The following FRMD5 variants were observed in gnomAD, a reference collection of about 807,000 sequenced individuals.
The protein encoded by FRMD5 is FERM domain containing 5, also known as FERM domain-containing protein 5.
A neutral mutation model predicts 69.0 loss-of-function variants in FRMD5; 20 were observed. The observed-to-expected ratio is 0.29, with a 90% CI of 0.20 to 0.42. The LOEUF is 0.42. Among genes scored for constraint, FRMD5 ranks in the 10% least tolerant of loss-of-function variants. The pLI is 1.00. For synonymous variants in FRMD5, 271 were observed against 260.1 expected, an observed-to-expected ratio of 1.04 and a Z score of -0.40; for missense variants, 595 against 708.6, an observed-to-expected ratio of 0.84 and a Z score of 1.82.
Position 43,883,728 on chromosome 15 carries a change from T to G in FRMD5, c.1110A>C (p.Arg370Ser). 6.2e-7 allele frequency: 1 copy of G among 1,613,162 alleles called. No homozygotes were observed. Among genetic ancestry groups the G allele is most frequent in the Non-Finnish European group, 8.5e-7 (1 of 1,179,592 alleles). ...RLSSVPRTRRRAVHISIMEGL... is the reference protein window; with the variant it reads ...RLSSVPRTRRSAVHISIMEGL... ...CTTCCATGATGGAGATGTGAACAGCTCTTCTGCGGGTCCTGGGGACGCTGC... is the reference window on the plus strand; with the variant it reads ...CTTCCATGATGGAGATGTGAACAGCGCTTCTGCGGGTCCTGGGGACGCTGC... The change falls in exon 13 of 14, where the codon AGA becomes AGC. Residue 370 changes from arginine to serine, a missense_variant. Arg to Ser is a moderately radical substitution (Grantham distance 110). This residue lies in a region of FRMD5 where 176 missense variants were observed against 266.3 expected (regional missense o/e 0.66). Coordinates refer to ENST00000417257, the MANE Select transcript of FRMD5 (RefSeq NM_032892.5).
chr15:44,120,092 G>A (rs571174624), intron 1 of FRMD5, among the ~76,000 whole-genome samples: 1 of 152,280 alleles, frequency 6.6e-6, no homozygotes, highest in Admixed American at 6.5e-5. Flanking sequence ...ATACAATTCT[G>A]AACAGGTACA....
intron 1 of FRMD5, chr15:44,101,331 T>G (rs2076637396): frequency 6.6e-6 from 1 of 152,584 alleles, no homozygotes; most frequent in Non-Finnish European, 1.5e-5. Flanking sequence ...AGGCAGGGTA[T>G]GAAATCAAAC....
At chr15:44,181,350 ATTT>A (rs1014942738) in intron 1 of FRMD5, among the ~76,000 whole-genome samples, 47 of 152,094 alleles carry the variant, frequency 3.1e-4, no homozygotes, top group African/African-American at 9.4e-4. Context: ...ACCTTTTTAC[ATTT>A]TTTTATTATG....
In FRMD5 at chr15:44,031,754, T is replaced by G. The variant is rs1891694616; in HGVS notation, c.103-107445A>C. On this transcript the variant is annotated intron_variant, in intron 1 of 13. Transcript: ENST00000417257. Reference sequence around the variant, plus strand: ...GTCCAGTATTTGGTGGCTATTTTCATGATATTCCCCAATCATCTTATCCTT... The same window carrying G: ...GTCCAGTATTTGGTGGCTATTTTCAGGATATTCCCCAATCATCTTATCCTT... Among the ~76,000 whole-genome samples, 3 of 152,326 alleles carry G rather than the reference T, an allele frequency of 2.0e-5. No individual in the cohort carries two copies. In the South Asian group the frequency reaches 6.2e-4, roughly 32 times the overall value.
chr15:43,883,222 C>G (rs1188719031), intron 13 of FRMD5, among the ~76,000 whole-genome samples: 1 of 152,088 alleles, frequency 6.6e-6, no homozygotes, highest in Non-Finnish European at 1.5e-5. Flanking sequence ...ACCTCAGCCC[C>G]CCGAGTAGCT....
chr15:44,097,194 T>C (rs958553680), intron 1 of FRMD5, among the ~76,000 whole-genome samples: 1 of 152,142 alleles, frequency 6.6e-6, no homozygotes. Flanking sequence ...TTCTCTGAAA[T>C]AAAGAATACA....
At position 43,871,503 on chromosome 15, in the gene FRMD5, TACCAGGTGGAC is replaced by T. The variant is rs2088160157; in HGVS notation, c.*2371_*2381del. ...CTTCTATGTTGCATAAGACAGTAGA[TACCAGGTGGAC>T]ACCAGCCCCCTGTCTCCTGACAGCC... On this transcript the variant is annotated 3_prime_UTR_variant, in exon 14 of 14. Coordinates refer to ENST00000417257, the MANE Select transcript of FRMD5 (RefSeq NM_032892.5). 6.6e-6 allele frequency: 1 copy of T among 152,338 alleles called. No homozygotes were observed. Among genetic ancestry groups the T allele is most frequent in the South Asian group, 2.1e-4 (1 of 4,820 alleles). The allele number at this position is 152,338 out of a possible 1,614,324, so 9.4% of individuals were successfully genotyped here.
intron 1 of FRMD5, among the ~76,000 whole-genome samples, chr15:44,112,759 C>G (rs1445612980): frequency 1.3e-5 from 2 of 151,980 alleles, no homozygotes; most frequent in Non-Finnish European, 2.9e-5. Flanking sequence ...TGAGCCACCG[C>G]GCCTGGCCTG....
At chr15:43,965,511 T>C (rs1159225744) in intron 1 of FRMD5, among the ~76,000 whole-genome samples, 1 of 152,006 alleles carries the variant, frequency 6.6e-6, no homozygotes, top group Non-Finnish European at 1.5e-5. Context: ...CAAGTAAGAC[T>C]GCACCTAATT....
intron 1 of FRMD5, among the ~76,000 whole-genome samples, chr15:43,953,753 A>G (rs998431788): frequency 1.3e-5 from 2 of 152,220 alleles, no homozygotes; most frequent in African/African-American, 4.8e-5. Context: ...TGTTACCTCC[A>G]TGGGTGGTAT....
At chr15:44,129,430 C>A (rs1373155623) in intron 1 of FRMD5, among the ~76,000 whole-genome samples, 2 of 152,176 alleles carry the variant, frequency 1.3e-5, no homozygotes, top group Non-Finnish European at 2.9e-5. Flanking sequence ...GGAACTGTAA[C>A]AACTTTGTCC....
chr15:43,967,201 T>TCATATATATATACACATAAATATATAAA lies in FRMD5; in HGVS notation c.103-42920_103-42893dup, dbSNP rs1566868050. ...TTCAGAAATATATAAACATATATAA[T>TCATATATATATACACATAAATATATAAA]CATATATATATACACATAAATATAT... On this transcript the variant is annotated intron_variant, in intron 1 of 13. Coordinates refer to ENST00000417257, the MANE Select transcript of FRMD5 (RefSeq NM_032892.5). 4.7e-5 allele frequency among the ~76,000 whole-genome samples: 7 copies of TCATATATATATACACATAAATATATAAA among 149,664 alleles called. No individual in the cohort carries two copies. The East Asian group carries it at 1.2e-3, about 25-fold the overall frequency.
At chr15:44,125,708 C>T (rs369593264) in intron 1 of FRMD5, among the ~76,000 whole-genome samples, 4 of 152,250 alleles carry the variant, frequency 2.6e-5, no homozygotes, top group African/African-American at 9.6e-5. Flanking sequence ...TAATAAAAAT[C>T]AGTTTTTCTT....
chr15:44,086,403 C>T (rs539500809), intron 1 of FRMD5, among the ~76,000 whole-genome samples: 2 of 152,244 alleles, frequency 1.3e-5, no homozygotes, highest in South Asian at 4.1e-4. Flanking sequence ...AGTATTAATA[C>T]TTGATACAAC....
At chr15:43,887,590 C>A (rs1043117155) in intron 10 of FRMD5, among the ~76,000 whole-genome samples, 2 of 152,208 alleles carry the variant, frequency 1.3e-5, no homozygotes, top group Admixed American at 1.3e-4. Flanking sequence ...GTGGCCCTGG[C>A]AACTGGGAGG....
chr15:43,873,545 AATTATTTT>A lies in FRMD5; in HGVS notation c.*332_*339del. On this transcript the variant is annotated 3_prime_UTR_variant, in exon 14 of 14. Transcript: ENST00000417257. Reference sequence around the variant, plus strand: ...TGCAATAATCAGTAATAGTAAAATAAATTATTTTTATTTGATACTTCAAAATAATATAC... The same window carrying A: ...TGCAATAATCAGTAATAGTAAAATAATATTTGATACTTCAAAATAATATAC... 2 of 1,389,842 alleles carry A rather than the reference AATTATTTT, an allele frequency of 1.4e-6. No homozygotes were observed. The highest frequency in any genetic ancestry group is 2.8e-5 in the South Asian group (2 of 70,942). The allele number at this position is 1,389,842 out of a possible 1,614,324, so 86.1% of individuals were successfully genotyped here. A position where few individuals can be genotyped will look rare whatever the true frequency, so the allele number is the denominator to read the frequency against.
At chr15:44,176,353 T>C (rs1054617752) in intron 1 of FRMD5, among the ~76,000 whole-genome samples, 1 of 152,288 alleles carries the variant, frequency 6.6e-6, no homozygotes, top group African/African-American at 2.4e-5. Flanking sequence ...TTTGGACACC[T>C]ATCTCACACC....
At chr15:44,008,106 T>C (rs1595617197) in intron 1 of FRMD5, among the ~76,000 whole-genome samples, 1 of 143,516 alleles carries the variant, frequency 7.0e-6, no homozygotes, top group African/African-American at 2.6e-5. Context: ...TTTTTTTTTT[T>C]TTTTTTTGTA....
chr15:44,067,113 A>G (rs1893342839), intron 1 of FRMD5, among the ~76,000 whole-genome samples: 1 of 152,152 alleles, frequency 6.6e-6, no homozygotes, highest in African/African-American at 2.4e-5. Context: ...GAGAGTATAA[A>G]AGGGAAAAGA....
Sources: allele counts gnomAD v4.1 joint callset (sites outside exome capture counted in the v4.1 genomes callset), GRCh38; gene constraint gnomAD v4.1.1; regional missense constraint gnomAD v4.1.1; transcripts MANE v1.5; gene names NCBI Gene and HGNC (gene_info 2026-07-23, HGNC 2026-07-21).